The following DCST1 variants were observed in gnomAD, a reference collection of about 807,000 sequenced individuals.
The protein encoded by DCST1 is E3 ubiquitin-protein ligase DCST1.
DCST1 carries 78 observed loss-of-function variants against 89.1 expected under a neutral mutation model. The observed-to-expected ratio is 0.88, with a 90% confidence interval of 0.73 to 1.06. The LOEUF (loss-of-function observed/expected upper bound fraction) is 1.06. DCST1 is among the 50% of genes least tolerant of loss of function. The pLI is 0.00. For missense variants in DCST1, 900 were observed against 928.6 expected (o/e 0.97, Z 0.40); for synonymous variants, 364 against 371.9 (o/e 0.98, Z 0.24).
At position 155,045,906 on chromosome 1, in the gene DCST1, A is replaced by C; in HGVS notation, c.1186A>C (p.Met396Leu). Reference sequence around the variant, plus strand: ...ATCCACCCACAGGTCTTTCTCCTACATGGACAGCTATAACCATGACATTCG... The same window carrying C: ...ATCCACCCACAGGTCTTTCTCCTACCTGGACAGCTATAACCATGACATTCG... ...LLVLHASFSY[M>L]DSYNHDIRFD... The change falls in exon 11 of 17, where the codon ATG (methionine) becomes CTG (leucine). Residue 396 changes from methionine to leucine, a missense_variant. Physicochemically the swap from Met to Leu is conservative, Grantham distance 15. Coordinates refer to ENST00000295542, the MANE Select transcript of DCST1 (RefSeq NM_152494.4). 1 of 1,614,182 alleles carries C rather than the reference A, an allele frequency of 6.2e-7. No individual in the cohort carries two copies. The highest frequency in any genetic ancestry group is 8.5e-7 in the Non-Finnish European group (1 of 1,179,984).
chr1:155,046,652 G>A (rs1660646780), intron 13 of DCST1, among the ~76,000 whole-genome samples, 166 bp downstream of exon 13: 1 of 119,862 alleles, frequency 8.3e-6, no homozygotes, highest in African/African-American at 3.4e-5. Flanking sequence ...ACCCAGGCTG[G>A]AGGAGTGCAT....
intron 5 of DCST1, 118 bp from the exon 6 acceptor site, chr1:155,040,367 C>A: frequency 9.3e-7 from 1 of 1,071,278 alleles, no homozygotes; most frequent in Non-Finnish European, 1.3e-6. Context: ...TTCATAGGCT[C>A]TCGGCCCCAC....
Position 155,047,828 on chromosome 1 carries a change from T to A in DCST1, c.1654T>A (p.Trp552Arg). 1 of 1,614,194 alleles carries A rather than the reference T, an allele frequency of 6.2e-7. No individual in the cohort carries two copies. Among genetic ancestry groups the A allele is most frequent in the Non-Finnish European group, 8.5e-7 (1 of 1,180,030 alleles). Residue 552 changes from tryptophan to arginine, a missense_variant, in exon 15 of 17, where the codon TGG becomes AGG. Physicochemically the swap from Trp to Arg is moderately radical, Grantham distance 101. Coordinates refer to ENST00000295542, the MANE Select transcript of DCST1 (RefSeq NM_152494.4). Reference sequence around the variant, plus strand: ...TGTGGGCCTGGATGCCAGGGCCTACTGGAGAGCTGCAGTACCGATTGGCCT... The same window carrying A: ...TGTGGGCCTGGATGCCAGGGCCTACAGGAGAGCTGCAGTACCGATTGGCCT... ...QPVGLDARAY[W>R]RAAVPIGLLV...
In DCST1 at chr1:155,050,665, C is replaced by A. The variant is rs901435255; in HGVS notation, c.1918C>A (p.Arg640Ser). Residue 640 changes from arginine (R) to serine (S), a missense_variant, in exon 17 of 17, where the codon CGC becomes AGC. Coordinates refer to ENST00000295542, the MANE Select transcript of DCST1 (RefSeq NM_152494.4). ...ILHRGCPLLR[R>S]WLCRRCVVCQ... The stretch of plus-strand genomic sequence containing the variant: ...GCACCGCGGCTGCCCGCTCCTGCGC[C>A]GCTGGCTGTGCCGGCGCTGCGTGGT... The A allele has an allele frequency of 3.7e-6, 6 of 1,600,970 alleles. No individual in the cohort carries two copies. The highest frequency in any genetic ancestry group is 1.3e-5 in the African/African-American group (1 of 74,678).
At chr1:155,037,484 C>G (rs371156030) in intron 4 of DCST1, among the ~76,000 whole-genome samples, 1 of 150,654 alleles carries the variant, frequency 6.6e-6, no homozygotes. Flanking sequence ...TGCTCTGTCC[C>G]CCAGGCTGGA....
rs1379653252 is a variant in DCST1, at chr1:155,043,375, G to A, written c.1038G>A (p.Leu346=). The change falls in exon 10 of 17, where the codon CTG becomes CTA. Residue 346 remains leucine, a synonymous_variant. Transcript: ENST00000295542. The part of the protein sequence containing the change: ...DFKEEKQAGV[L]GLNTSWERVS... ...AGGAAGAGAAGCAGGCTGGGGTGCT[G>A]GGGCTCAACACAAGCTGGGAGCGCG... is the stretch of plus-strand genomic sequence containing the variant. 3.7e-6 allele frequency: 6 copies of A among 1,614,050 alleles called. No individual in the cohort carries two copies. The highest frequency in any genetic ancestry group is 2.2e-5 in the South Asian group (2 of 91,076).
Position 155,040,495 on chromosome 1 carries a change from C to A in DCST1, c.402C>A (p.Ala134=), listed in dbSNP as rs776188117. The A allele has an allele frequency of 6.3e-7, 1 of 1,599,486 alleles. No individual in the cohort carries two copies. The highest frequency in any genetic ancestry group is 1.7e-5 in the Admixed American group (1 of 58,280). ...GGCCTCTTTCTCCAGGGCCAGTAGC[C>A]AATCTGCGACACAATCTCAACAACG... ...ALAAIYVGPV[A]NLRHNLNNVI... Residue 134 remains alanine (A), a synonymous_variant, in exon 6 of 17, where the codon GCC becomes GCA. Transcript: ENST00000295542.
intron 8 of DCST1, among the ~76,000 whole-genome samples, chr1:155,042,110 T>C (rs1660456531): frequency 6.6e-6 from 1 of 152,176 alleles, no homozygotes; most frequent in African/African-American, 2.4e-5. Context: ...TAATTTTTTT[T>C]TTTGAGACGG....
chr1:155,044,041 G>A (rs1285831876), intron 10 of DCST1, among the ~76,000 whole-genome samples: 1 of 152,180 alleles, frequency 6.6e-6, no homozygotes, highest in Non-Finnish European at 1.5e-5. Flanking sequence ...ACCTGAGATG[G>A]GCAGGGCTTG....
chr1:155,034,762 G>A (rs200630580), intron 4 of DCST1, 35 bp downstream of exon 4: 49 of 1,611,626 alleles, frequency 3.0e-5, no homozygotes, highest in Middle Eastern at 1.7e-4. Context: ...ACACTCAAGC[G>A]GCCTGTGGAA....
chr1:155,038,660 TACTC>T (rs919249105), intron 4 of DCST1, among the ~76,000 whole-genome samples: 2 of 152,162 alleles, frequency 1.3e-5, no homozygotes, highest in African/African-American at 4.8e-5. Context: ...TAACAACACT[TACTC>T]ACCTTCCAGG....
chr1:155,039,319 G>A (rs539186594), intron 4 of DCST1, 84 bp from the exon 5 acceptor site: 9 of 1,441,794 alleles, frequency 6.2e-6, no homozygotes, highest in African/African-American at 5.7e-5. Context: ...AGAAGGGGGT[G>A]TTGCAGGTGG....
At chr1:155,043,656 TAAAGGA>T in intron 10 of DCST1, 147 bp downstream of exon 10, 3 of 1,151,856 alleles carry the variant, frequency 2.6e-6, no homozygotes, top group Non-Finnish European at 2.3e-6. Context: ...TACACAAAGT[TAAAGGA>T]AAAGTGGACA....
chr1:155,041,103 G>A (rs540298861), intron 6 of DCST1, among the ~76,000 whole-genome samples: 37 of 152,256 alleles, frequency 2.4e-4, no homozygotes, highest in African/African-American at 8.7e-4. Flanking sequence ...CTAAGGACCT[G>A]GGGAACCACT....
intron 6 of DCST1, among the ~76,000 whole-genome samples, chr1:155,040,831 A>G (rs776617812): frequency 1.1e-4 from 16 of 152,250 alleles, no homozygotes; most frequent in Non-Finnish European, 2.2e-4. Context: ...GACATGCTCT[A>G]TACACATTTC....
At chr1:155,046,079 C>A (rs770997477) in intron 11 of DCST1, 46 bp from the exon 12 acceptor site, 10 of 1,613,684 alleles carry the variant, frequency 6.2e-6, no homozygotes, top group South Asian at 4.4e-5. Flanking sequence ...GAGGAAAGGG[C>A]AGAGGGCCCT....
chr1:155,033,975 C>G lies in DCST1; in HGVS notation c.-62C>G, dbSNP rs76306191. 291,940 of 1,598,422 alleles carry G rather than the reference C, an allele frequency of 0.18. 28,085 individuals are homozygous for G. The highest frequency in any genetic ancestry group is 0.2 in the Non-Finnish European group (236,806 of 1,166,618). ...AGCACCTCTCTTCTCTCACCAGAAC[C>G]TTGTGTCCAAGGAGGTCCTTCAGGA... On this transcript the variant is annotated 5_prime_UTR_variant, in exon 2 of 17. Transcript: ENST00000295542.
chr1:155,043,424 G>A lies in DCST1; in HGVS notation c.1087G>A (p.Val363Met), dbSNP rs199794962. ...ERVSTEVRDY[V>M]YRQEARLEWA... The stretch of plus-strand genomic sequence containing the variant: ...CGTGAGCACCGAGGTGCGGGACTAC[G>A]TGTACCGCCAGGAGGCCCGGCTGGA... The change falls in exon 10 of 17, where the codon GTG (valine) becomes ATG (methionine). Residue 363 changes from valine (V) to methionine (M), a missense_variant. Physicochemically the swap from Val to Met is conservative, Grantham distance 21 (BLOSUM62 1). Transcript: ENST00000295542. 389 of 1,611,430 alleles carry A rather than the reference G, an allele frequency of 2.4e-4. 1 individual carries two copies. The highest frequency in any genetic ancestry group is 2.8e-4 in the Non-Finnish European group (332 of 1,178,292).
chr1:155,034,231 C>A (rs867524066), intron 2 of DCST1, 134 bp downstream of exon 2: 48 of 1,530,776 alleles, frequency 3.1e-5, no homozygotes, highest in Non-Finnish European at 4.1e-5. Flanking sequence ...TGCCTCCCGC[C>A]TCCCAGCCCA....
Sources: allele counts gnomAD v4.1 joint callset (sites outside exome capture counted in the v4.1 genomes callset), GRCh38; gene constraint gnomAD v4.1.1; transcripts MANE v1.5; gene names NCBI Gene and HGNC (gene_info 2026-07-23, HGNC 2026-07-21).